Variants in HIPK2 observed in about 807,000 individuals in gnomAD.
HIPK2 encodes the protein homeodomain-interacting protein kinase 2.
In HIPK2, 27 loss-of-function variants were observed where a neutral mutation model predicts 113.7. The ratio of observed to expected loss-of-function variants is 0.24; its 90% CI spans 0.17 to 0.33. The LOEUF (loss-of-function observed/expected upper bound fraction) is 0.33, where lower values mean the gene tolerates loss of function less well. Among genes scored for constraint, HIPK2 ranks in the 10% least tolerant of loss-of-function variants. The probability of loss-of-function intolerance (pLI) is 1.00; values close to 1 mark genes in which losing one functional copy is unlikely to be tolerated. For synonymous variants in HIPK2, 631 were observed against 642.2 expected (o/e 0.98, Z 0.26); for missense variants, 1,257 against 1,588.0 (o/e 0.79, Z 3.54).
At chr7:139,585,470 A>C (rs1798803357) in intron 12 of HIPK2, among the ~76,000 whole-genome samples, 2 of 152,220 alleles carry the variant, frequency 1.3e-5, no homozygotes, top group Admixed American at 1.3e-4. Flanking sequence ...GTGGCTGGAC[A>C]CTGTCCTCTC....
At chr7:139,742,561 A>G (rs959872743) in intron 1 of HIPK2, among the ~76,000 whole-genome samples, 4 of 152,160 alleles carry the variant, frequency 2.6e-5, no homozygotes, top group Admixed American at 1.3e-4. Context: ...TAGGAGATTG[A>G]AAAATAATGG....
Position 139,604,182 on chromosome 7 carries a change from T to C in HIPK2, c.2154A>G (p.Pro718=). The change falls in exon 10 of 15, where the codon CCA becomes CCG. Residue 718 remains proline (P), a synonymous_variant. Coordinates refer to ENST00000406875, the MANE Select transcript of HIPK2 (RefSeq NM_022740.5). ...CCACTCCAGTCAGTTGCTGCCATGC[T>C]GGGGGAAGCAGGATCTGCTGGGTCC... The part of the protein sequence containing the change: ...PSGTQQILLP[P]AWQQLTGVAT... 6.2e-7 allele frequency: 1 copy of C among 1,613,864 alleles called. No individual in the cohort carries two copies. The highest frequency in any genetic ancestry group is 8.5e-7 in the Non-Finnish European group (1 of 1,179,794).
At position 139,575,298 on chromosome 7, in the gene HIPK2, G is replaced by A; in HGVS notation, c.2966-10C>T. On this transcript the variant is annotated splice_polypyrimidine_tract_variant and intron_variant, in intron 13 of 14. Transcript: ENST00000406875. ...TGGTGACTGGTGTTGACTGTGGCGGGAGGAGAAAGAGGTCAGATCAGTGGC... is the reference window on the plus strand; with the variant it reads ...TGGTGACTGGTGTTGACTGTGGCGGAAGGAGAAAGAGGTCAGATCAGTGGC... The A allele has an allele frequency of 1.9e-6, 3 of 1,554,454 alleles. No individual in the cohort carries two copies. The highest frequency in any genetic ancestry group is 1.7e-6 in the Non-Finnish European group (2 of 1,148,454).
chr7:139,749,959 T>TTCCA (rs1194237719), intron 1 of HIPK2, among the ~76,000 whole-genome samples: 1 of 152,168 alleles, frequency 6.6e-6, no homozygotes, highest in Non-Finnish European at 1.5e-5. Flanking sequence ...CCTAACCTCT[T>TTCCA]CCCACATAAC....
intron 1 of HIPK2, among the ~76,000 whole-genome samples, chr7:139,723,116 T>C (rs1179507356): frequency 6.6e-6 from 1 of 152,068 alleles, no homozygotes; most frequent in African/African-American, 2.4e-5. Context: ...CTACAAATAA[T>C]GTAATAATAA....
At chr7:139,772,571 GA>G (rs1385822333) in intron 1 of HIPK2, among the ~76,000 whole-genome samples, 1 of 151,930 alleles carries the variant, frequency 6.6e-6, no homozygotes, top group East Asian at 1.9e-4. Flanking sequence ...AGAGAGATAG[GA>G]AAATGGGGTC....
chr7:139,592,247 G>A (rs779434433), intron 12 of HIPK2, among the ~76,000 whole-genome samples: 2 of 151,990 alleles, frequency 1.3e-5, no homozygotes, highest in Non-Finnish European at 2.9e-5. Context: ...TGGTAACGTC[G>A]GCTGAAACAG....
chr7:139,658,910 G>T (rs1247099989), intron 2 of HIPK2, among the ~76,000 whole-genome samples: 15 of 152,196 alleles, frequency 9.9e-5, no homozygotes, highest in Admixed American at 8.5e-4. Flanking sequence ...CTGTGTGACT[G>T]TAACCTTCCT....
intron 1 of HIPK2, among the ~76,000 whole-genome samples, chr7:139,747,339 G>C (rs1796205851): frequency 6.6e-6 from 1 of 152,200 alleles, no homozygotes. Context: ...TAGCTTCGGA[G>C]AAGGTGGTCT....
chr7:139,569,664 C>T lies in HIPK2; in HGVS notation c.*3263G>A, dbSNP rs1342096845. On this transcript the variant is annotated 3_prime_UTR_variant, in exon 15 of 15. Coordinates refer to ENST00000406875, the MANE Select transcript of HIPK2 (RefSeq NM_022740.5). Reference sequence around the variant, plus strand: ...TTTGATTCTTCTTTAAACTTTTGTTCTGTGGTGGATCTTTCTTGACGTCTC... The same window carrying T: ...TTTGATTCTTCTTTAAACTTTTGTTTTGTGGTGGATCTTTCTTGACGTCTC... The T allele has an allele frequency of 2.6e-5, 4 of 152,014 alleles. No individual in the cohort carries two copies. Among genetic ancestry groups the T allele is most frequent in the Non-Finnish European group, 5.9e-5 (4 of 68,020 alleles). The allele number at this position is 152,014 out of a possible 1,614,324, so 9.4% of individuals were successfully genotyped here.
intron 1 of HIPK2, among the ~76,000 whole-genome samples, chr7:139,744,732 G>A (rs1385098290): frequency 2.0e-5 from 3 of 152,174 alleles, no homozygotes; most frequent in Non-Finnish European, 2.9e-5. Flanking sequence ...GGCCCGCTGC[G>A]AAGCCACGTG....
rs750727964 is a variant in HIPK2, at chr7:139,561,899, C to G, written c.*11028G>C. ...ACTAATATAAATTCACTCCATTTTT[C>G]TACAACGAAAATGATTAATTTAGAA... On this transcript the variant is annotated 3_prime_UTR_variant, in exon 15 of 15. Coordinates refer to ENST00000406875, the MANE Select transcript of HIPK2 (RefSeq NM_022740.5). 3.3e-5 allele frequency: 5 copies of G among 152,062 alleles called. No individual in the cohort carries two copies. The highest frequency in any genetic ancestry group is 6.5e-5 in the Admixed American group (1 of 15,270). 9.4% of individuals were successfully genotyped at this position (152,062 alleles called of 1,614,324 possible).
At chr7:139,578,229 C>T (rs565365749) in intron 13 of HIPK2, among the ~76,000 whole-genome samples, 4 of 152,178 alleles carry the variant, frequency 2.6e-5, no homozygotes, top group Non-Finnish European at 5.9e-5. Context: ...AGGCTGGTCT[C>T]GAATTCCTGA....
At chr7:139,736,988 T>C (rs143950273) in intron 1 of HIPK2, among the ~76,000 whole-genome samples, 77 of 152,326 alleles carry the variant, frequency 5.1e-4, no homozygotes, top group African/African-American at 1.7e-3. Flanking sequence ...TCTGTTGCCA[T>C]CTTGCACCAT....
intron 13 of HIPK2, among the ~76,000 whole-genome samples, chr7:139,578,017 A>T (rs1585230424): frequency 6.8e-6 from 1 of 147,504 alleles, no homozygotes; most frequent in East Asian, 2.0e-4. Flanking sequence ...CGCCCAGCTA[A>T]TTTTTTTTTT....
At chr7:139,697,129 G>C (rs1323122955) in intron 2 of HIPK2, among the ~76,000 whole-genome samples, 1 of 152,140 alleles carries the variant, frequency 6.6e-6, no homozygotes, top group East Asian at 1.9e-4. Context: ...CCAGGGATCA[G>C]TCCTTCTTGT....
intron 2 of HIPK2, among the ~76,000 whole-genome samples, chr7:139,666,204 C>G (rs1210737928): frequency 6.6e-6 from 1 of 152,070 alleles, no homozygotes; most frequent in Non-Finnish European, 1.5e-5. Flanking sequence ...TGTTTTGTTC[C>G]TCCTTCAAAG....
intron 1 of HIPK2, among the ~76,000 whole-genome samples, chr7:139,737,151 G>A (rs1034452238): frequency 6.6e-6 from 1 of 152,080 alleles, no homozygotes; most frequent in Non-Finnish European, 1.5e-5. Context: ...AAACTACATG[G>A]CTCATATAGT....
rs559298652 is a variant in HIPK2 at position 139,721,977 on chromosome 7, G to A, written c.20-4962C>T. The A allele has an allele frequency of 1.0e-3, 446 of 429,590 alleles. 8 individuals carry two copies. The highest frequency in any genetic ancestry group is 7.6e-3 in the South Asian group (425 of 56,196). The allele number at this position is 429,590 out of a possible 1,614,324, so 26.6% of individuals were successfully genotyped here. Reference sequence around the variant, plus strand: ...AAGGACAGGGAGTCACCATAACCTAGAACTAAAGCTTTTAACAAGTAGCAT... The same window carrying A: ...AAGGACAGGGAGTCACCATAACCTAAAACTAAAGCTTTTAACAAGTAGCAT... On this transcript the variant is annotated intron_variant, in intron 1 of 14. Transcript: ENST00000406875.
Sources: gnomAD v4.1 joint callset for allele counts (sites outside exome capture counted in the v4.1 genomes callset) on GRCh38, gnomAD v4.1.1 for gene constraint, MANE v1.5 for transcripts, NCBI Gene and HGNC (gene_info 2026-07-23, HGNC 2026-07-21) for gene names.